CHSY3: variants seen among roughly 807,000 people sequenced by gnomAD.
CHSY3 encodes chondroitin sulfate synthase 3, also known as N-acetylgalactosaminyl-proteoglycan 3-beta-glucuronosyltransferase 3.
CHSY3 carries 35 observed loss-of-function variants against 67.2 expected under a neutral mutation model. The observed-to-expected ratio is 0.52, with a 90% CI of 0.40 to 0.69. The LOEUF is 0.69. Ranked by LOEUF, CHSY3 falls within the 30% of genes least tolerant of loss-of-function variation. The pLI is 0.00. For missense variants in CHSY3, 1,069 were observed against 1,138.5 expected (o/e 0.94, Z 0.88); for synonymous variants, 474 against 434.7 (o/e 1.09, Z -1.12).
intron 2 of CHSY3, among the ~76,000 whole-genome samples, chr5:129,995,085 A>G (rs572451081): frequency 2.4e-3 from 368 of 152,292 alleles, no homozygotes; most frequent in African/African-American, 8.5e-3. Context: ...TATGAGAGTT[A>G]GATGCTCAAT....
chr5:130,102,388 A>C (rs1026635732), intron 2 of CHSY3, among the ~76,000 whole-genome samples: 2 of 152,114 alleles, frequency 1.3e-5, no homozygotes, highest in African/African-American at 2.4e-5. Context: ...TAATTAAACA[A>C]AATTAAAATT....
intron 2 of CHSY3, among the ~76,000 whole-genome samples, chr5:130,014,252 C>G (rs1212840621): frequency 6.6e-6 from 1 of 152,142 alleles, no homozygotes; most frequent in Non-Finnish European, 1.5e-5. Flanking sequence ...TGCTTGTTAC[C>G]CAGTTCTAAA....
intron 2 of CHSY3, among the ~76,000 whole-genome samples, chr5:129,912,500 C>T (rs1760598197): frequency 6.6e-6 from 1 of 152,132 alleles, no homozygotes; most frequent in African/African-American, 2.4e-5. Flanking sequence ...CCCAGGTGGT[C>T]TGGGGAAATA....
At chr5:130,103,957 A>G (rs1393030197) in intron 2 of CHSY3, among the ~76,000 whole-genome samples, 1 of 151,954 alleles carries the variant, frequency 6.6e-6, no homozygotes. Context: ...TATATCTCAA[A>G]AACAGTCCCT....
intron 2 of CHSY3, among the ~76,000 whole-genome samples, chr5:130,000,983 A>C (rs2149638715): frequency 6.7e-6 from 1 of 150,082 alleles, no homozygotes; most frequent in South Asian, 2.1e-4. Flanking sequence ...CTCAGCCTGC[A>C]GGGTTCAAAC....
chr5:130,084,748 A>G, intron 2 of CHSY3, among the ~76,000 whole-genome samples: 1 of 151,874 alleles, frequency 6.6e-6, no homozygotes, highest in African/African-American at 2.4e-5. Flanking sequence ...CTGTAGCCCA[A>G]GTGAGGTTGG....
intron 2 of CHSY3, among the ~76,000 whole-genome samples, chr5:130,035,933 T>A (rs1344371192): frequency 1.4e-5 from 2 of 147,984 alleles, no homozygotes; most frequent in Non-Finnish European, 3.0e-5. Flanking sequence ...TAGAAAGTAG[T>A]TCATGAGCAT....
chr5:130,095,226 T>A (rs1042651987), intron 2 of CHSY3, among the ~76,000 whole-genome samples: 1 of 152,176 alleles, frequency 6.6e-6, no homozygotes, highest in African/African-American at 2.4e-5. Flanking sequence ...AGCAGTAATT[T>A]CCCCAATAGC....
At position 130,026,192 on chromosome 5, in the gene CHSY3, G is replaced by T. The variant is rs972714112; in HGVS notation, c.1086+117832G>T. On this transcript the variant is annotated intron_variant, in intron 2 of 2. Coordinates refer to ENST00000305031, the MANE Select transcript of CHSY3 (RefSeq NM_175856.5). ...CACCCTTTCTTTCCTTGAAATTTCTGCATGACCATGGATTCCTTAGCAGTT... is the reference window on the plus strand; with the variant it reads ...CACCCTTTCTTTCCTTGAAATTTCTTCATGACCATGGATTCCTTAGCAGTT... Among the ~76,000 whole-genome samples, 16 of 152,134 alleles carry T rather than the reference G, an allele frequency of 1.1e-4. 1 individual carries two copies. Among genetic ancestry groups the T allele is most frequent in the African/African-American group, 3.9e-4 (16 of 41,508 alleles).
intron 2 of CHSY3, among the ~76,000 whole-genome samples, chr5:130,091,142 G>GTGCA (rs1554082158): frequency 1.4e-3 from 132 of 94,512 alleles, no homozygotes; most frequent in African/African-American, 5.9e-3. Context: ...ACACGCACAC[G>GTGCA]CGCGCACACA....
intron 2 of CHSY3, among the ~76,000 whole-genome samples, chr5:130,030,402 A>C (rs2149659606): frequency 6.6e-6 from 1 of 152,286 alleles, no homozygotes; most frequent in Non-Finnish European, 1.5e-5. Context: ...ATATGCTAAA[A>C]AAATTGTTTA....
At chr5:129,936,802 T>C (rs1761507762) in intron 2 of CHSY3, among the ~76,000 whole-genome samples, 1 of 152,200 alleles carries the variant, frequency 6.6e-6, no homozygotes, top group African/African-American at 2.4e-5. Context: ...TAAACTACCA[T>C]TCCCATTCAT....
In CHSY3 at chr5:129,905,188, G is replaced by A; in HGVS notation, c.359G>A (p.Gly120Asp). The change falls in exon 1 of 3, where the codon GGC (glycine) becomes GAC (aspartate). Residue 120 changes from glycine to aspartate, a missense_variant. Coordinates refer to ENST00000305031, the MANE Select transcript of CHSY3 (RefSeq NM_175856.5). ...CGGCGGCGAGGACGCGAGCCTGAGGGCGCGACGGGGCTTCCCGGTGCTCCA... is the reference window on the plus strand; with the variant it reads ...CGGCGGCGAGGACGCGAGCCTGAGGACGCGACGGGGCTTCCCGGTGCTCCA... Reference protein sequence around the residue: ...QQRRRGREPEGATGLPGAPAA... With the variant: ...QQRRRGREPEDATGLPGAPAA... 6.6e-7 allele frequency: 1 copy of A among 1,519,832 alleles called. No homozygotes were observed. The highest frequency in any genetic ancestry group is 8.8e-7 in the Non-Finnish European group (1 of 1,140,438). 94.1% of individuals were successfully genotyped at this position (1,519,832 alleles called of 1,614,324 possible). A position where few individuals can be genotyped will look rare whatever the true frequency, so the allele number is the denominator to read the frequency against.
intron 2 of CHSY3, among the ~76,000 whole-genome samples, chr5:130,126,794 G>A (rs112605662): frequency 1.3e-5 from 2 of 152,156 alleles, no homozygotes; most frequent in South Asian, 2.1e-4. Flanking sequence ...TAAAAGAGGC[G>A]CCTCTATAAT....
At chr5:130,070,701 A>G (rs1040233672) in intron 2 of CHSY3, among the ~76,000 whole-genome samples, 4 of 152,124 alleles carry the variant, frequency 2.6e-5, no homozygotes, top group Admixed American at 2.0e-4. Flanking sequence ...ACAGTCATAT[A>G]AAAATAAATT....
intron 2 of CHSY3, among the ~76,000 whole-genome samples, 157 bp downstream of exon 2, chr5:129,908,517 C>G (rs538992211): frequency 1.3e-5 from 2 of 152,268 alleles, no homozygotes; most frequent in East Asian, 3.9e-4. Context: ...AGATAACTTT[C>G]TCATTAGGTG....
At chr5:130,047,483 T>C (rs1765189430) in intron 2 of CHSY3, among the ~76,000 whole-genome samples, 2 of 152,086 alleles carry the variant, frequency 1.3e-5, no homozygotes, top group African/African-American at 4.8e-5. Context: ...TTCTGAAATA[T>C]TATAGGTTAG....
rs1012598884 is a variant in CHSY3, at chr5:129,904,864, T to C, written c.35T>C (p.Val12Ala). The change falls in exon 1 of 3, where the codon GTG (valine) becomes GCG (alanine). Residue 12 changes from valine (V) to alanine (A), a missense_variant. Physicochemically the swap from Val to Ala is moderately conservative, Grantham distance 64. Transcript: ENST00000305031. The part of the protein sequence containing the change: ...AVRSRRPWMS[V>A]ALGLVLGFTA... ...CGCTCTCGCCGCCCGTGGATGAGCG[T>C]GGCATTAGGGCTGGTGCTGGGCTTC... 11 of 1,473,122 alleles carry C rather than the reference T, an allele frequency of 7.5e-6. No individual in the cohort carries two copies. Among genetic ancestry groups the C allele is most frequent in the Non-Finnish European group, 9.9e-6 (11 of 1,107,978 alleles). 91.3% of individuals were successfully genotyped at this position (1,473,122 alleles called of 1,614,324 possible). A position where few individuals can be genotyped will look rare whatever the true frequency, so the allele number is the denominator to read the frequency against.
Position 129,987,361 on chromosome 5 carries a change from C to G in CHSY3, c.1086+79001C>G, listed in dbSNP as rs1333104563. Among the ~76,000 whole-genome samples the G allele has an allele frequency of 2.0e-5, 3 of 152,106 alleles. No individual in the cohort carries two copies. In the East Asian group the frequency reaches 5.8e-4, roughly 29 times the overall value. On this transcript the variant is annotated intron_variant, in intron 2 of 2. Coordinates refer to ENST00000305031, the MANE Select transcript of CHSY3 (RefSeq NM_175856.5). The stretch of plus-strand genomic sequence containing the variant: ...TTTAATTTACAGTACTAGAGAATGC[C>G]AAATGCTGTCCTTGTATGAATTAGG...
Sources: allele counts gnomAD v4.1 joint callset (sites outside exome capture counted in the v4.1 genomes callset), GRCh38; gene constraint gnomAD v4.1.1; transcripts MANE v1.5; gene names NCBI Gene and HGNC (gene_info 2026-07-23, HGNC 2026-07-21).